The following TASOR2 variants were observed in gnomAD, a reference collection of about 807,000 sequenced individuals.
The protein encoded by TASOR2 is protein TASOR 2.
Under a neutral mutation model 199.5 loss-of-function variants are expected in TASOR2, and 84 were observed. The observed-to-expected ratio is 0.42, with a 90% CI of 0.35 to 0.50. The LOEUF (loss-of-function observed/expected upper bound fraction) is 0.50. Ranked by LOEUF, TASOR2 falls within the 20% of genes least tolerant of loss-of-function variation. The pLI, the probability that TASOR2 is intolerant of heterozygous loss-of-function variation, is 0.02. For missense variants in TASOR2, 2,796 were observed against 2,835.9 expected (o/e 0.99, Z 0.32); for synonymous variants, 1,103 against 1,046.6 (o/e 1.05, Z -1.04).
At chr10:5,735,584 T>C in intron 12 of TASOR2, 38 bp downstream of exon 13, 1 of 1,598,620 alleles carries the variant, frequency 6.3e-7, no homozygotes, top group South Asian at 1.1e-5. Flanking sequence ...AACACCCCAA[T>C]ACAGATCTAA....
chr10:5,713,930 G>A, intron 2 of TASOR2: 1 of 343,960 alleles, frequency 2.9e-6, no homozygotes, highest in Non-Finnish European at 5.2e-6. Context: ...AGATGCAGTT[G>A]TGCCTCATGC....
chr10:5,762,005 A>G (rs1253305452), intron 19 of TASOR2, among the ~76,000 whole-genome samples: 3 of 152,160 alleles, frequency 2.0e-5, no homozygotes, highest in Non-Finnish European at 4.4e-5. Context: ...AGCCAGGGAC[A>G]GTGGCTCACG....
rs1836128557 is a variant in TASOR2 at position 5,689,065 on chromosome 10, T to G, written c.-288+3890T>G. On this transcript the variant is annotated intron_variant, in intron 1 of 20. Transcript: ENST00000328090. The surrounding 1 kb of genome is among the most constrained non-coding windows in gnomAD (Gnocchi z 4.1). ...AGATCTATTGATGATGAACACTCAGTTTTTGTTCACCTGAAAATGTCTTTA... is the reference window on the plus strand; with the variant it reads ...AGATCTATTGATGATGAACACTCAGGTTTTGTTCACCTGAAAATGTCTTTA... Among the ~76,000 whole-genome samples, 1 of 152,180 alleles carries G rather than the reference T, an allele frequency of 6.6e-6. No individual in the cohort carries two copies. The highest frequency in any genetic ancestry group is 1.5e-5 in the Non-Finnish European group (1 of 68,026).
intron 8 of TASOR2, among the ~76,000 whole-genome samples, 153 bp downstream of exon 9, chr10:5,724,686 T>C (rs1588735836): frequency 1.3e-5 from 2 of 148,950 alleles, no homozygotes; most frequent in East Asian, 1.9e-4. Context: ...TAGATCGATA[T>C]AGATATATAT....
At position 5,719,228 on chromosome 10, in the gene TASOR2, TAA is replaced by T. The variant is rs772831944; in HGVS notation, c.-99-1315_-99-1314del. Among the ~76,000 whole-genome samples, 7 of 152,234 alleles carry T rather than the reference TAA, an allele frequency of 4.6e-5. No individual in the cohort carries two copies. The highest frequency in any genetic ancestry group is 9.6e-5 in the African/African-American group (4 of 41,466). ...TATAGTCCCATATCCCATTTTGATATAAGTTAATAACATCTTGTGAACATTGT... is the reference window on the plus strand; with the variant it reads ...TATAGTCCCATATCCCATTTTGATATGTTAATAACATCTTGTGAACATTGT... On this transcript the variant is annotated intron_variant, in intron 3 of 20. Transcript: ENST00000328090. This position sits in a 1 kb window ranked among gnomAD's most constrained non-coding sequence, Gnocchi z 4.1.
intron 1 of TASOR2, among the ~76,000 whole-genome samples, chr10:5,695,422 C>G (rs9423937): frequency 6.6e-6 from 1 of 152,218 alleles, no homozygotes; most frequent in East Asian, 1.9e-4. Flanking sequence ...TATACACTAA[C>G]AGCTAATTAT....
exon 11 of TASOR2, chr10:5,731,066 C>T: frequency 6.2e-7 from 1 of 1,614,018 alleles, no homozygotes; most frequent in Non-Finnish European, 8.5e-7. Flanking sequence ...GCCAGCATGC[C>T]CCACATGGTG....
In TASOR2 at chr10:5,699,919, T is replaced by C. The variant is rs554579900; in HGVS notation, c.-287-12904T>C. 2.0e-5 allele frequency among the ~76,000 whole-genome samples: 3 copies of C among 152,264 alleles called. No homozygotes were observed. The highest frequency in any genetic ancestry group is 4.4e-5 in the Non-Finnish European group (3 of 67,984). On this transcript the variant is annotated intron_variant, in intron 1 of 20. Coordinates refer to ENST00000328090, the Ensembl canonical transcript of TASOR2. This position sits in a 1 kb window ranked among gnomAD's most constrained non-coding sequence, Gnocchi z 4.1. ...TAGAGATCAAGTCAGTGTAGTTGGG[T>C]CATCTGTTACCTTAAATATTTCTCT... is the stretch of plus-strand genomic sequence containing the variant.
At position 5,750,774 on chromosome 10, in the gene TASOR2, G is replaced by C. The variant is rs112463129; in HGVS notation, c.6606+747G>C. Among the ~76,000 whole-genome samples the C allele has an allele frequency of 9.2e-3, 1,405 of 152,290 alleles. 24 individuals are homozygous for C. The highest frequency in any genetic ancestry group is 0.032 in the African/African-American group (1,324 of 41,560). ...TGATACTTAAATGTGTATTACCTGA[G>C]TTCAAGGATCCTCATCTTTTTAACC... On this transcript the variant is annotated intron_variant, in intron 15 of 20. Transcript: ENST00000328090. This position sits in a 1 kb window ranked among gnomAD's most constrained non-coding sequence, Gnocchi z 5.4.
chr10:5,718,599 G>T (rs1348286482), intron 3 of TASOR2, among the ~76,000 whole-genome samples: 1 of 151,702 alleles, frequency 6.6e-6, no homozygotes. Flanking sequence ...TATACTAAAA[G>T]TATAAAAAAA....
At chr10:5,715,134 A>AT (rs1476043360) in intron 2 of TASOR2, among the ~76,000 whole-genome samples, 1 of 151,938 alleles carries the variant, frequency 6.6e-6, no homozygotes, top group South Asian at 2.1e-4. Flanking sequence ...GAAGAGGGGT[A>AT]TTTTTTATTA....
intron 2 of TASOR2, among the ~76,000 whole-genome samples, chr10:5,715,157 A>C (rs1328964569): frequency 6.6e-6 from 1 of 152,028 alleles, no homozygotes; most frequent in African/African-American, 2.4e-5. Flanking sequence ...GCCAGGTGCT[A>C]TGTAGAATGT....
chr10:5,757,816 G>C, intron 17 of TASOR2, 143 bp downstream of exon 18: 1 of 797,402 alleles, frequency 1.3e-6, no homozygotes, highest in East Asian at 2.6e-5. Context: ...TCTGCTGTCT[G>C]CTGTGCTCTT....
Position 5,750,903 on chromosome 10 carries a change from T to A in TASOR2, c.6606+876T>A, listed in dbSNP as rs1214879044. On this transcript the variant is annotated intron_variant, in intron 15 of 20. Transcript: ENST00000328090. This position sits in a 1 kb window ranked among gnomAD's most constrained non-coding sequence, Gnocchi z 5.4. Reference sequence around the variant, plus strand: ...GGATCATAGGTGTCTAGAATTGTCATGTCTTCAGTCTGCAATAGTTCCTCT... The same window carrying A: ...GGATCATAGGTGTCTAGAATTGTCAAGTCTTCAGTCTGCAATAGTTCCTCT... Among the ~76,000 whole-genome samples, 1 of 152,204 alleles carries A rather than the reference T, an allele frequency of 6.6e-6. No homozygotes were observed. The highest frequency in any genetic ancestry group is 1.5e-5 in the Non-Finnish European group (1 of 68,050).
At chr10:5,731,258 G>C in intron 11 of TASOR2, 55 bp downstream of exon 12, 1 of 1,510,734 alleles carries the variant, frequency 6.6e-7, no homozygotes, top group Non-Finnish European at 8.9e-7. Flanking sequence ...GCCAGGCGTT[G>C]GTGGCTCATG....
rs1564380267 is a variant in TASOR2 at position 5,762,514 on chromosome 10, T to TTTTG, written c.7175-15_7175-14insGTTT. The TTTTG allele has an allele frequency of 3.1e-5, 18 of 587,736 alleles. No individual in the cohort carries two copies. Among genetic ancestry groups the TTTTG allele is most frequent in the Non-Finnish European group, 4.0e-5 (15 of 378,732 alleles). The allele number at this position is 587,736 out of a possible 1,614,324, so 36.4% of individuals were successfully genotyped here. On this transcript the variant is annotated splice_polypyrimidine_tract_variant and intron_variant, in intron 19 of 20. Coordinates refer to ENST00000328090, the Ensembl canonical transcript of TASOR2. ...TTAATTATATTAACCAAAAGTTGTT[T>TTTTG]TTTTTTTTTTTTAACAGACAAGCCT...
chr10:5,731,399 G>T (rs59511159), intron 11 of TASOR2, among the ~76,000 whole-genome samples, 196 bp downstream of exon 12: 1 of 152,128 alleles, frequency 6.6e-6, no homozygotes, highest in South Asian at 2.1e-4. Flanking sequence ...GTGGCGGTGC[G>T]TGCCTGTAGT....
chr10:5,736,148 C>T (rs11254942), intron 12 of TASOR2, among the ~76,000 whole-genome samples: 4 of 152,100 alleles, frequency 2.6e-5, no homozygotes, highest in East Asian at 3.9e-4. Flanking sequence ...TGGCCAGGCG[C>T]GGTGTCTCAC....
exon 3 of TASOR2, chr10:5,717,683 A>G (rs185075559): frequency 1.6e-6 from 2 of 1,225,350 alleles, no homozygotes; most frequent in Non-Finnish European, 2.0e-6. Flanking sequence ...AAATACTCCG[A>G]CTGTCTTCAT....
Sources: allele counts gnomAD v4.1 joint callset (sites outside exome capture counted in the v4.1 genomes callset), GRCh38; gene constraint gnomAD v4.1.1; non-coding constraint Gnocchi (gnomAD v3.1); transcripts MANE v1.5; gene names NCBI Gene and HGNC (gene_info 2026-07-23, HGNC 2026-07-21).